SYNPO2: variants seen among roughly 807,000 people sequenced by gnomAD.
SYNPO2 encodes synaptopodin 2, also known as synaptopodin-2.
Under a neutral mutation model 85.0 loss-of-function variants are expected in SYNPO2, and 56 were observed. The ratio of observed to expected loss-of-function variants is 0.66; its 90% CI spans 0.53 to 0.82. The LOEUF is 0.82. Among genes scored for constraint, SYNPO2 ranks in the 40% least tolerant of loss-of-function variants. SYNPO2 has a pLI of 0.00. For synonymous variants in SYNPO2, 602 were observed against 591.1 expected (o/e 1.02, Z -0.27); for missense variants, 1,575 against 1,534.2 (o/e 1.03, Z -0.44).
chr4:119,035,342 C>A, intron 4 of SYNPO2: 2 of 985,392 alleles, frequency 2.0e-6, no homozygotes, highest in Non-Finnish European at 2.4e-6. Context: ...CCTCAGTCTT[C>A]TAGGAGGGCA....
At chr4:118,937,268 C>T (rs1430245861) in intron 1 of SYNPO2, among the ~76,000 whole-genome samples, 1 of 152,154 alleles carries the variant, frequency 6.6e-6, no homozygotes, top group Non-Finnish European at 1.5e-5. Context: ...CAGATACACT[C>T]ATTTCCTTTC....
At chr4:118,878,993 C>A (rs1366579188) in intron 1 of SYNPO2, among the ~76,000 whole-genome samples, 1 of 152,154 alleles carries the variant, frequency 6.6e-6, no homozygotes. Flanking sequence ...TGGCTTCACT[C>A]CTGAAGTCAG....
At chr4:119,035,972 G>C (rs1738497290) in intron 4 of SYNPO2, 2 of 985,284 alleles carry the variant, frequency 2.0e-6, no homozygotes, top group Non-Finnish European at 2.4e-6. Flanking sequence ...CTCTTTCACA[G>C]TAAACCCTCC....
chr4:118,881,215 T>A (rs1466984855), intron 1 of SYNPO2, among the ~76,000 whole-genome samples: 2 of 148,410 alleles, frequency 1.3e-5, no homozygotes, highest in Admixed American at 1.4e-4. Flanking sequence ...GGCAGGAGAA[T>A]GGCATGAACC....
In SYNPO2 at chr4:119,057,779, TC is replaced by T; in HGVS notation, c.3634del (p.Gln1212AsnfsTer34). 2 of 1,614,022 alleles carry T rather than the reference TC, an allele frequency of 1.2e-6. No individual in the cohort carries two copies. Among genetic ancestry groups the T allele is most frequent in the Non-Finnish European group, 1.7e-6 (2 of 1,179,992 alleles). ...AGCCAATAATAATATGTCCACCACC[TC>T]CCAATATGGTTCACAGTTGCCATAT... The part of the protein sequence containing the change: ...VTANNNMSTT[S>X]QYGSQLPYAY... On this transcript the variant is annotated frameshift_variant, in exon 5 of 5. Transcript: ENST00000307142. LOFTEE classifies it low-confidence loss of function (END_TRUNC).
chr4:118,926,892 A>G (rs530639257), intron 1 of SYNPO2, among the ~76,000 whole-genome samples: 10 of 152,244 alleles, frequency 6.6e-5, no homozygotes, highest in African/African-American at 1.9e-4. Context: ...CAGACCTTTC[A>G]TCCACAGGGA....
chr4:118,944,440 C>T (rs143557040), intron 1 of SYNPO2, among the ~76,000 whole-genome samples: 21 of 152,112 alleles, frequency 1.4e-4, no homozygotes, highest in African/African-American at 4.8e-4. Context: ...AATGGCTCCA[C>T]CAAAATAAAT....
intron 1 of SYNPO2, among the ~76,000 whole-genome samples, chr4:118,952,586 G>C (rs773643391): frequency 1.4e-4 from 21 of 152,018 alleles, no homozygotes; most frequent in Non-Finnish European, 2.1e-4. Flanking sequence ...ATTCTAGTAA[G>C]ACAGGTAAAA....
intron 4 of SYNPO2, chr4:119,033,072 A>C: frequency 9.1e-6 from 9 of 985,382 alleles, no homozygotes; most frequent in Non-Finnish European, 1.1e-5. Context: ...CAGGACGCAC[A>C]TAAAGGTGTA....
At chr4:118,961,497 A>C (rs1307708518) in intron 1 of SYNPO2, among the ~76,000 whole-genome samples, 1 of 152,182 alleles carries the variant, frequency 6.6e-6, no homozygotes, top group Non-Finnish European at 1.5e-5. Context: ...TTCATTACTC[A>C]GGTGTCCGTT....
At chr4:119,018,389 T>C (rs1356955895) in intron 1 of SYNPO2, among the ~76,000 whole-genome samples, 1 of 152,192 alleles carries the variant, frequency 6.6e-6, no homozygotes, top group Non-Finnish European at 1.5e-5. Context: ...CTATTGTGAA[T>C]AGTGCTGCAA....
chr4:119,043,874 G>A (rs1738794601), intron 4 of SYNPO2: 1 of 139,858 alleles, frequency 7.2e-6, no homozygotes, highest in Non-Finnish European at 1.5e-5. Flanking sequence ...GGGAGCAGAG[G>A]TTGCAGTGAG....
intron 1 of SYNPO2, among the ~76,000 whole-genome samples, chr4:119,020,271 A>T (rs540154711): frequency 1.3e-5 from 2 of 152,282 alleles, no homozygotes; most frequent in East Asian, 3.9e-4. Flanking sequence ...ATGAATGTGA[A>T]AGTTCAGTGA....
intron 1 of SYNPO2, among the ~76,000 whole-genome samples, chr4:118,999,151 GT>G (rs1267680975): frequency 2.0e-5 from 3 of 152,052 alleles, no homozygotes; most frequent in Non-Finnish European, 2.9e-5. Flanking sequence ...TGATGGATAA[GT>G]TTTTTTGTTT....
At chr4:119,014,822 C>A (rs774983031) in intron 1 of SYNPO2, among the ~76,000 whole-genome samples, 3 of 152,192 alleles carry the variant, frequency 2.0e-5, no homozygotes, top group Non-Finnish European at 4.4e-5. Context: ...GTGATTAAAT[C>A]CCCCTGGCTC....
chr4:118,974,672 C>A (rs1190584876), intron 1 of SYNPO2, among the ~76,000 whole-genome samples: 1 of 152,162 alleles, frequency 6.6e-6, no homozygotes, highest in Non-Finnish European at 1.5e-5. Context: ...TTTAGGGTTT[C>A]TTTCCCCAGA....
intron 1 of SYNPO2, among the ~76,000 whole-genome samples, chr4:118,961,545 C>T (rs1460510735): frequency 3.9e-5 from 6 of 152,194 alleles, no homozygotes; most frequent in Non-Finnish European, 8.8e-5. Flanking sequence ...CTCCAACGAC[C>T]TTTACTAGAG....
intron 4 of SYNPO2, chr4:119,038,093 A>AT (rs1184832341): frequency 7.3e-6 from 7 of 959,096 alleles, no homozygotes; most frequent in Non-Finnish European, 8.7e-6. Flanking sequence ...AGATTTAGAT[A>AT]TTTGTCTGGC....
intron 1 of SYNPO2, among the ~76,000 whole-genome samples, chr4:118,984,364 C>A (rs1313517025): frequency 1.3e-5 from 2 of 152,174 alleles, no homozygotes; most frequent in African/African-American, 4.8e-5. Context: ...TAGATATTAT[C>A]TGTTTAATTA....
Sources: gnomAD v4.1 joint callset for allele counts (sites outside exome capture counted in the v4.1 genomes callset) on GRCh38, gnomAD v4.1.1 for gene constraint, MANE v1.5 for transcripts, NCBI Gene and HGNC (gene_info 2026-07-23, HGNC 2026-07-21) for gene names.